Variants in NAPB observed in about 807,000 individuals in gnomAD.
The protein encoded by NAPB is NSF attachment protein beta.
A neutral mutation model predicts 44.7 loss-of-function variants in NAPB; 26 were observed. The observed-to-expected ratio is 0.58, with a 90% CI of 0.43 to 0.81. The LOEUF (loss-of-function observed/expected upper bound fraction) is 0.81. Ranked by LOEUF, NAPB falls within the 30% of genes least tolerant of loss-of-function variation. The probability of loss-of-function intolerance (pLI) is 0.00; values close to 1 mark genes in which losing one functional copy is unlikely to be tolerated. For missense variants in NAPB, 315 were observed against 356.4 expected, an observed-to-expected ratio of 0.88 and a Z score of 0.94; for synonymous variants, 120 against 116.8, an observed-to-expected ratio of 1.03 and a Z score of -0.18.
intron 10 of NAPB, among the ~76,000 whole-genome samples, chr20:23,377,768 C>T (rs1412940452): frequency 1.3e-5 from 2 of 151,834 alleles, no homozygotes; most frequent in Non-Finnish European, 2.9e-5. Flanking sequence ...ATTATTGTGG[C>T]AAAAGTAACT....
chr20:23,415,301 T>G (rs1276995757), intron 1 of NAPB, among the ~76,000 whole-genome samples: 1 of 152,154 alleles, frequency 6.6e-6, no homozygotes, highest in Admixed American at 6.5e-5. Context: ...ACTTTTCAAC[T>G]GAAAACTCTC....
At chr20:23,409,306 A>G (rs777095818) in intron 1 of NAPB, among the ~76,000 whole-genome samples, 9 of 152,262 alleles carry the variant, frequency 5.9e-5, no homozygotes, top group Non-Finnish European at 1.2e-4. Flanking sequence ...AAATAATCAG[A>G]GACATTTAAG....
intron 1 of NAPB, among the ~76,000 whole-genome samples, chr20:23,413,410 T>C (rs1473441307): frequency 1.3e-5 from 2 of 152,124 alleles, no homozygotes; most frequent in Admixed American, 1.3e-4. Flanking sequence ...TAGCCATGAA[T>C]ATTTTAATCC....
Position 23,411,421 on chromosome 20 carries a change from A to C in NAPB, c.99-8349T>G, listed in dbSNP as rs1425958440. Among the ~76,000 whole-genome samples the C allele has an allele frequency of 2.0e-5, 3 of 152,206 alleles. No homozygotes were observed. In the East Asian group the frequency reaches 5.8e-4, roughly 29 times the overall value. On this transcript the variant is annotated intron_variant, in intron 1 of 10. Transcript: ENST00000377026. ...TTTACCAGAAACTCAAGGGGGAAAAAAGTGTGAGCCAAGGATTATACAACC... is the reference window on the plus strand; with the variant it reads ...TTTACCAGAAACTCAAGGGGGAAAACAGTGTGAGCCAAGGATTATACAACC...
At chr20:23,400,737 C>T (rs577132156) in intron 2 of NAPB, among the ~76,000 whole-genome samples, 3 of 152,188 alleles carry the variant, frequency 2.0e-5, no homozygotes, top group African/African-American at 7.2e-5. Flanking sequence ...ATGATCATCA[C>T]CAATGCAACA....
chr20:23,421,263 GGA>G, intron 1 of NAPB, 40 bp downstream of exon 1: 1 of 1,357,310 alleles, frequency 7.4e-7, no homozygotes, highest in Non-Finnish European at 9.6e-7. Context: ...GGCCAAGTAC[GGA>G]GACCCCCCCC....
At chr20:23,413,891 A>G (rs952860593) in intron 1 of NAPB, among the ~76,000 whole-genome samples, 2 of 151,380 alleles carry the variant, frequency 1.3e-5, no homozygotes, top group Non-Finnish European at 2.9e-5. Flanking sequence ...ATCTTCAAAG[A>G]CCAGAGTCCA....
intron 7 of NAPB, among the ~76,000 whole-genome samples, chr20:23,385,908 A>T (rs1024434662): frequency 6.6e-6 from 1 of 152,236 alleles, no homozygotes; most frequent in African/African-American, 2.4e-5. Context: ...ATATGCCAAG[A>T]TAGACCATAT....
At position 23,376,053 on chromosome 20, in the gene NAPB, A is replaced by T. The variant is rs1982488988; in HGVS notation, c.*1323T>A. The T allele has an allele frequency of 6.6e-6, 1 of 152,184 alleles. No individual in the cohort carries two copies. Among genetic ancestry groups the T allele is most frequent in the African/African-American group, 2.4e-5 (1 of 41,440 alleles). The allele number at this position is 152,184 out of a possible 1,614,324, so 9.4% of individuals were successfully genotyped here. On this transcript the variant is annotated 3_prime_UTR_variant, in exon 11 of 11. Coordinates refer to ENST00000377026, the MANE Select transcript of NAPB (RefSeq NM_022080.3). ...AATACTACTTACTACTACCTGACATAACATAGGAAGTTTCGTTACCTGTCA... is the reference window on the plus strand; with the variant it reads ...AATACTACTTACTACTACCTGACATTACATAGGAAGTTTCGTTACCTGTCA...
At chr20:23,411,370 G>A (rs1038437682) in intron 1 of NAPB, among the ~76,000 whole-genome samples, 21 of 152,068 alleles carry the variant, frequency 1.4e-4, no homozygotes, top group African/African-American at 3.6e-4. Context: ...AGCAATATAC[G>A]GAGCAAAACA....
At chr20:23,393,792 A>G (rs1417489989) in intron 5 of NAPB, among the ~76,000 whole-genome samples, 1 of 152,162 alleles carries the variant, frequency 6.6e-6, no homozygotes, top group African/African-American at 2.4e-5. Context: ...TAGGTAATAA[A>G]TGAGCAAAAA....
At chr20:23,416,015 T>C (rs1163188969) in intron 1 of NAPB, among the ~76,000 whole-genome samples, 1 of 152,176 alleles carries the variant, frequency 6.6e-6, no homozygotes, top group Non-Finnish European at 1.5e-5. Context: ...TAAACTCTCC[T>C]TTACTTGGTA....
At position 23,421,295 on chromosome 20, in the gene NAPB, T is replaced by C; in HGVS notation, c.98+10A>G. Reference sequence around the variant, plus strand: ...CCCCCCCCCCAGGGCACGCACGGTCTGGCGCTCACCCAAACAGCCCTCGGA... The same window carrying C: ...CCCCCCCCCCAGGGCACGCACGGTCCGGCGCTCACCCAAACAGCCCTCGGA... On this transcript the variant is annotated intron_variant, in intron 1 of 10. Transcript: ENST00000377026. 4 of 1,543,692 alleles carry C rather than the reference T, an allele frequency of 2.6e-6. No homozygotes were observed. Among genetic ancestry groups the C allele is most frequent in the Non-Finnish European group, 3.5e-6 (4 of 1,140,078 alleles).
At position 23,375,238 on chromosome 20, in the gene NAPB, A is replaced by G. The variant is rs143132569; in HGVS notation, c.*2138T>C. On this transcript the variant is annotated 3_prime_UTR_variant, in exon 11 of 11. Transcript: ENST00000377026. ...GGTCCCAGTGTTTATTGCAATACAA[A>G]CAAGTGACCCTCTAATTGACACAAC... is the stretch of plus-strand genomic sequence containing the variant. 2.7e-3 allele frequency: 414 copies of G among 152,342 alleles called. 3 individuals carry two copies. Among genetic ancestry groups the G allele is most frequent in the African/African-American group, 9.5e-3 (394 of 41,574 alleles). 9.4% of individuals were successfully genotyped at this position (152,342 alleles called of 1,614,324 possible). A position where few individuals can be genotyped will look rare whatever the true frequency, so the allele number is the denominator to read the frequency against.
intron 2 of NAPB, among the ~76,000 whole-genome samples, chr20:23,398,428 G>A (rs1984539769): frequency 1.3e-5 from 2 of 151,974 alleles, no homozygotes; most frequent in Non-Finnish European, 2.9e-5. Context: ...GCAGTGCAGT[G>A]GCGTGATCAC....
At position 23,395,197 on chromosome 20, in the gene NAPB, G is replaced by A; in HGVS notation, c.296-12C>T. The A allele has an allele frequency of 1.9e-6, 3 of 1,613,950 alleles. No homozygotes were observed. Among genetic ancestry groups the A allele is most frequent in the Non-Finnish European group, 2.5e-6 (3 of 1,179,876 alleles). ...GCAGTTGATAGCCTCTGAAGCGTAG[G>A]CATTTAAGAAAAACAATGAAAAATC... On this transcript the variant is annotated splice_polypyrimidine_tract_variant and intron_variant, in intron 3 of 10. Transcript: ENST00000377026.
At chr20:23,391,760 G>A (rs953058423) in intron 5 of NAPB, among the ~76,000 whole-genome samples, 1 of 152,068 alleles carries the variant, frequency 6.6e-6, no homozygotes. Flanking sequence ...TTTACACGTC[G>A]CAAAATGCTT....
At chr20:23,408,424 T>C (rs1383810649) in intron 1 of NAPB, among the ~76,000 whole-genome samples, 1 of 152,246 alleles carries the variant, frequency 6.6e-6, no homozygotes, top group East Asian at 1.9e-4. Flanking sequence ...TTCCCATGTA[T>C]GCCTCAAAAT....
intron 7 of NAPB, among the ~76,000 whole-genome samples, chr20:23,383,976 A>G (rs898726020): frequency 1.3e-5 from 2 of 152,230 alleles, no homozygotes; most frequent in African/African-American, 4.8e-5. Context: ...ACACCAACCT[A>G]CAGCATTTAA....
Sources: allele counts gnomAD v4.1 joint callset (sites outside exome capture counted in the v4.1 genomes callset), GRCh38; gene constraint gnomAD v4.1.1; transcripts MANE v1.5; gene names NCBI Gene and HGNC (gene_info 2026-07-23, HGNC 2026-07-21).